Variants in DIP2C observed in about 807,000 individuals in gnomAD.
The protein encoded by DIP2C is DIP2 acetate--CoA ligase C (putative), also known as disco-interacting protein 2 homolog C.
A neutral mutation model predicts 192.4 loss-of-function variants in DIP2C; 33 were observed. The ratio of observed to expected loss-of-function variants is 0.17; its 90% CI spans 0.13 to 0.23. The LOEUF (loss-of-function observed/expected upper bound fraction) is 0.23, where lower values mean the gene tolerates loss of function less well. Among genes scored for constraint, DIP2C ranks in the 10% least tolerant of loss-of-function variants. The pLI, the probability that DIP2C is intolerant of heterozygous loss-of-function variation, is 1.00. For synonymous variants in DIP2C, 979 were observed against 864.1 expected, an observed-to-expected ratio of 1.13 and a Z score of -2.33; for missense variants, 1,537 against 2,110.1, an observed-to-expected ratio of 0.73 and a Z score of 5.32.
chr10:314,264 C>T lies in DIP2C; in HGVS notation c.3925-4172G>A, dbSNP rs573289669. Among the ~76,000 whole-genome samples, 19 of 152,308 alleles carry T rather than the reference C, an allele frequency of 1.2e-4. No individual in the cohort carries two copies. In the South Asian group the frequency reaches 3.7e-3, roughly 30 times the overall value. On this transcript the variant is annotated intron_variant, in intron 31 of 36. Coordinates refer to ENST00000280886, the MANE Select transcript of DIP2C (RefSeq NM_014974.3). ...TTTCAAAACCAGTAGCTAAATATGA[C>T]AGGTCCCTGCCTTAAGCCCTGTAAC...
At chr10:605,739 G>A (rs972105857) in intron 1 of DIP2C, among the ~76,000 whole-genome samples, 16 of 152,178 alleles carry the variant, frequency 1.1e-4, no homozygotes, top group Non-Finnish European at 1.3e-4. Flanking sequence ...CAGCCACCAG[G>A]ATAACATAAT....
At chr10:425,992 A>G (rs1966574848) in intron 4 of DIP2C, among the ~76,000 whole-genome samples, 1 of 152,236 alleles carries the variant, frequency 6.6e-6, no homozygotes, top group Non-Finnish European at 1.5e-5. Flanking sequence ...TTTATTTGAC[A>G]TTATCTGGCA....
At chr10:606,394 C>G (rs560619699) in intron 1 of DIP2C, among the ~76,000 whole-genome samples, 40 of 151,548 alleles carry the variant, frequency 2.6e-4, no homozygotes, top group African/African-American at 9.6e-4. Flanking sequence ...TCTCACGGCC[C>G]CGCTGCCGTA....
At chr10:416,805 G>A (rs1965667491) in intron 6 of DIP2C, among the ~76,000 whole-genome samples, 2 of 152,184 alleles carry the variant, frequency 1.3e-5, no homozygotes, top group South Asian at 4.1e-4. Context: ...GGCAGGACCT[G>A]GGAAACCATC....
At chr10:422,321 A>G (rs1966246612) in intron 5 of DIP2C, among the ~76,000 whole-genome samples, 1 of 152,184 alleles carries the variant, frequency 6.6e-6, no homozygotes, top group South Asian at 2.1e-4. Context: ...CAGCATGTTC[A>G]AACGTCATAG....
At chr10:382,896 A>T (rs948656779) in intron 16 of DIP2C, 135 bp from the exon 17 acceptor site, 4 of 521,248 alleles carry the variant, frequency 7.7e-6, no homozygotes, top group Non-Finnish European at 1.3e-5. Flanking sequence ...TATTTAATAC[A>T]ATTTATTATT....
At chr10:611,309 C>A (rs1853083318) in intron 1 of DIP2C, among the ~76,000 whole-genome samples, 1 of 152,144 alleles carries the variant, frequency 6.6e-6, no homozygotes. Context: ...GAACAGTATG[C>A]CGATTAAACC....
intron 1 of DIP2C, among the ~76,000 whole-genome samples, chr10:604,074 A>G (rs1227780003): frequency 8.0e-6 from 1 of 125,344 alleles, no homozygotes. Context: ...CCTCATCCTC[A>G]GGTCTCCTCT....
At chr10:406,543 G>C (rs576109189) in intron 9 of DIP2C, among the ~76,000 whole-genome samples, 1 of 152,292 alleles carries the variant, frequency 6.6e-6, no homozygotes, top group African/African-American at 2.4e-5. Context: ...ACTCCATCTT[G>C]CTTCTAACCT....
At chr10:493,518 G>A (rs1844601285) in intron 1 of DIP2C, among the ~76,000 whole-genome samples, 2 of 152,094 alleles carry the variant, frequency 1.3e-5, no homozygotes, top group Admixed American at 1.3e-4. Context: ...TGGACATCGA[G>A]AAGCTGACGT....
chr10:366,502 A>T, intron 18 of DIP2C, 91 bp from the exon 19 acceptor site: 1 of 1,567,084 alleles, frequency 6.4e-7, no homozygotes, highest in Non-Finnish European at 8.7e-7. Context: ...GAACGACACC[A>T]GTGAACAGGA....
At chr10:532,278 C>G (rs1364402524) in intron 1 of DIP2C, among the ~76,000 whole-genome samples, 1 of 152,074 alleles carries the variant, frequency 6.6e-6, no homozygotes, top group Non-Finnish European at 1.5e-5. Context: ...CCCACCTCCA[C>G]CCCCGCAGTC....
At chr10:585,365 G>A (rs1044161660) in intron 1 of DIP2C, among the ~76,000 whole-genome samples, 5 of 152,178 alleles carry the variant, frequency 3.3e-5, no homozygotes, top group South Asian at 2.1e-4. Flanking sequence ...CTCAGAAGAC[G>A]GGTGTTCCCA....
At chr10:300,584 A>ACCC (rs1955982234) in intron 32 of DIP2C, among the ~76,000 whole-genome samples, 2 of 152,114 alleles carry the variant, frequency 1.3e-5, no homozygotes, top group African/African-American at 4.8e-5. Context: ...AGAAACCGGA[A>ACCC]ACCAGGCACG....
At chr10:664,936 AC>A (rs1856994859) in intron 1 of DIP2C, 1 of 152,104 alleles carries the variant, frequency 6.6e-6, no homozygotes, top group Admixed American at 6.5e-5. Flanking sequence ...GTACATTAAA[AC>A]CTTTATAACG....
chr10:498,473 G>A (rs1359815886), intron 1 of DIP2C, among the ~76,000 whole-genome samples: 1 of 152,138 alleles, frequency 6.6e-6, no homozygotes, highest in African/African-American at 2.4e-5. Context: ...TCCCCTCAGG[G>A]GTCCTGCTGA....
At chr10:343,101 A>T (rs551011877) in intron 28 of DIP2C, among the ~76,000 whole-genome samples, 1 of 152,112 alleles carries the variant, frequency 6.6e-6, no homozygotes, top group South Asian at 2.1e-4. Context: ...CATCCTGGCT[A>T]ACACAGTGAA....
chr10:366,168 T>C, intron 19 of DIP2C, 107 bp downstream of exon 19: 1 of 1,476,210 alleles, frequency 6.8e-7, no homozygotes, highest in Non-Finnish European at 9.2e-7. Flanking sequence ...TAAACACGTC[T>C]TGCTAAAATG....
intron 1 of DIP2C, among the ~76,000 whole-genome samples, chr10:598,994 C>CCG (rs927463365): frequency 7.5e-4 from 115 of 152,368 alleles, no homozygotes; most frequent in African/African-American, 2.5e-3. Flanking sequence ...GCACGGCCCC[C>CCG]GGGCCCACCT....
Sources: gnomAD v4.1 joint callset for allele counts (sites outside exome capture counted in the v4.1 genomes callset) on GRCh38, gnomAD v4.1.1 for gene constraint, MANE v1.5 for transcripts, NCBI Gene and HGNC (gene_info 2026-07-23, HGNC 2026-07-21) for gene names.